The following CNN2 variants were observed in gnomAD, a reference collection of about 807,000 sequenced individuals.
CNN2 encodes the protein calponin 2.
In CNN2, 21 loss-of-function variants were observed where a neutral mutation model predicts 31.0. That is an observed-to-expected ratio of 0.68 (90% CI 0.48 to 0.98). The LOEUF (loss-of-function observed/expected upper bound fraction) is 0.98, where lower values mean the gene tolerates loss of function less well. Ranked by LOEUF, CNN2 falls within the 50% of genes least tolerant of loss-of-function variation. The probability of loss-of-function intolerance (pLI) is 0.00; values close to 1 mark genes in which losing one functional copy is unlikely to be tolerated. For synonymous variants in CNN2, 165 were observed against 179.6 expected (o/e 0.92, Z 0.65); for missense variants, 399 against 427.3 (o/e 0.93, Z 0.58).
chr19:1,037,813 TG>T lies in CNN2; in HGVS notation c.847del (p.Ala283LeufsTer57). The T allele has an allele frequency of 6.5e-7, 1 of 1,533,404 alleles. No homozygotes were observed. Among genetic ancestry groups the T allele is most frequent in the Non-Finnish European group, 8.7e-7 (1 of 1,143,530 alleles). 95.0% of individuals were successfully genotyped at this position (1,533,404 alleles called of 1,614,324 possible). ...ACTGCCCGCAAGGCACAGTGGCCGA[TG>T]GGGCTCCCTCGGGCACCGGCGACTG... Reference protein sequence around the residue: ...KYCPQGTVADGAPSGTGDCPD... With the variant: ...KYCPQGTVADXAPSGTGDCPD... On this transcript the variant is annotated frameshift_variant, in exon 7 of 7. Transcript: ENST00000263097. LOFTEE classifies it low-confidence loss of function (END_TRUNC).
At position 1,032,418 on chromosome 19, in the gene CNN2, C is replaced by T; in HGVS notation, c.212C>T (p.Ser71Phe). ...CTLMNKLQPG[S>F]VPKINRSMQN... ...CTCATGAACAAGCTACAGCCGGGCT[C>T]CGTCCCCAAGATCAACCGCTCCATG... The change falls in exon 3 of 7, where the codon TCC becomes TTC. Residue 71 changes from serine to phenylalanine, a missense_variant. Coordinates refer to ENST00000263097, the MANE Select transcript of CNN2 (RefSeq NM_004368.4). The T allele has an allele frequency of 6.2e-7, 1 of 1,613,636 alleles. No individual in the cohort carries two copies. The highest frequency in any genetic ancestry group is 8.5e-7 in the Non-Finnish European group (1 of 1,179,994).
chr19:1,036,011 C>G (rs2039575850), intron 4 of CNN2, 119 bp from the exon 5 acceptor site: 1 of 1,419,962 alleles, frequency 7.0e-7, no homozygotes. Flanking sequence ...CCTGTGGGGG[C>G]TCTGCGCGGC....
intron 4 of CNN2, 93 bp from the exon 5 acceptor site, chr19:1,036,037 G>GCC: frequency 1.4e-6 from 2 of 1,465,280 alleles, no homozygotes; most frequent in Non-Finnish European, 1.8e-6. Context: ...GAGGTGACAG[G>GCC]CCGCGGCCTG....
At chr19:1,026,798 G>T in intron 1 of CNN2, 74 bp downstream of exon 1, 1 of 1,425,980 alleles carries the variant, frequency 7.0e-7, no homozygotes, top group Non-Finnish European at 9.4e-7. Flanking sequence ...GAGCCCCCAG[G>T]CGCCCCCGGC....
At chr19:1,032,033 G>T (rs1056927074) in intron 2 of CNN2, among the ~76,000 whole-genome samples, 1 of 151,174 alleles carries the variant, frequency 6.6e-6, no homozygotes, top group East Asian at 2.0e-4. Flanking sequence ...ATCGAGACCA[G>T]CCTGGACAAC....
chr19:1,035,554 G>A (rs987438897), intron 4 of CNN2, among the ~76,000 whole-genome samples: 4 of 152,264 alleles, frequency 2.6e-5, no homozygotes, highest in South Asian at 2.1e-4. Flanking sequence ...CGAAAACCAC[G>A]TCCCCATCCC....
At chr19:1,032,777 ATTTCTG>A (rs1245493798) in intron 4 of CNN2, 81 bp downstream of exon 4, 11 of 1,157,038 alleles carry the variant, frequency 9.5e-6, no homozygotes, top group East Asian at 7.8e-5. Context: ...TCGTTTGCAA[ATTTCTG>A]TTTGTTTATT....
At chr19:1,032,146 A>G (rs1226672051) in intron 2 of CNN2, among the ~76,000 whole-genome samples, 1 of 151,660 alleles carries the variant, frequency 6.6e-6, no homozygotes, top group African/African-American at 2.4e-5. Flanking sequence ...GAGGCAGGAG[A>G]ATCACTTGAA....
Position 1,038,927 on chromosome 19 carries a change from C to G in CNN2, c.*1027C>G, listed in dbSNP as rs1241131532. The G allele has an allele frequency of 6.6e-6, 1 of 152,518 alleles. No individual in the cohort carries two copies. The allele number at this position is 152,518 out of a possible 1,614,324, so 9.4% of individuals were successfully genotyped here. ...CCTCCTCCCTTCTGGGCCCGACCAG[C>G]TTATACTGCTCCATCTTCCCCGGCC... On this transcript the variant is annotated 3_prime_UTR_variant, in exon 7 of 7. Transcript: ENST00000263097.
chr19:1,036,123 C>T lies in CNN2; in HGVS notation c.391-7C>T, dbSNP rs2039578794. 6.3e-7 allele frequency: 1 copy of T among 1,590,716 alleles called. No individual in the cohort carries two copies. Among genetic ancestry groups the T allele is most frequent in the Non-Finnish European group, 8.6e-7 (1 of 1,167,666 alleles). On this transcript the variant is annotated splice_region_variant and splice_polypyrimidine_tract_variant and intron_variant, in intron 4 of 6. Coordinates refer to ENST00000263097, the MANE Select transcript of CNN2 (RefSeq NM_004368.4). ...GCTGGTACTCCCGGCCCCTTTCCCT[C>T]ACCCAGGCCAAGACTAAGGGGCTGC... is the stretch of plus-strand genomic sequence containing the variant.
intron 1 of CNN2, chr19:1,027,089 T>TG (rs2039411197): frequency 4.9e-6 from 1 of 202,850 alleles, no homozygotes; most frequent in South Asian, 9.1e-5. Context: ...GACAACGCTC[T>TG]GGGGGTCTGG....
chr19:1,031,340 G>GGGAGGA lies in CNN2; in HGVS notation c.185+148_185+149insGGAGGA. On this transcript the variant is annotated intron_variant, in intron 2 of 6. Transcript: ENST00000263097. ...GCACTTTTGGAGGCCGAGGGTGGTG[G>GGGAGGA]CGGGGGGCGGTGGATCTCGAGGTCA... is the stretch of plus-strand genomic sequence containing the variant. The GGGAGGA allele has an allele frequency of 1.4e-5, 3 of 217,716 alleles. 1 individual carries two copies. The highest frequency in any genetic ancestry group is 1.2e-4 in the South Asian group (2 of 17,280). The allele number at this position is 217,716 out of a possible 1,614,324, so 13.5% of individuals were successfully genotyped here. A position where few individuals can be genotyped will look rare whatever the true frequency, so the allele number is the denominator to read the frequency against.
chr19:1,037,369 C>T, intron 6 of CNN2: 1 of 465,422 alleles, frequency 2.1e-6, no homozygotes, highest in Non-Finnish European at 3.9e-6. Flanking sequence ...AACTTCTGAC[C>T]TCAGGTGATC....
intron 2 of CNN2, 148 bp downstream of exon 2, chr19:1,031,340 G>GGGGGGT (rs373711392): frequency 3.7e-5 from 8 of 218,140 alleles, no homozygotes; most frequent in Non-Finnish European, 5.6e-5. Flanking sequence ...GAGGGTGGTG[G>GGGGGGT]CGGGGGGCGG....
At chr19:1,032,132 G>A (rs2039507568) in intron 2 of CNN2, among the ~76,000 whole-genome samples, 1 of 151,850 alleles carries the variant, frequency 6.6e-6, no homozygotes, top group African/African-American at 2.4e-5. Flanking sequence ...GGAGGCTCAG[G>A]GCTGAGGCAG....
At position 1,032,386 on chromosome 19, in the gene CNN2, C is replaced by T; in HGVS notation, c.186-6C>T. On this transcript the variant is annotated splice_region_variant and splice_polypyrimidine_tract_variant and intron_variant, in intron 2 of 6. Transcript: ENST00000263097. ...TGTTTCCCCCGCCCCATGTTGTGCC[C>T]TCCAGACTCATGAACAAGCTACAGC... 1 of 1,613,490 alleles carries T rather than the reference C, an allele frequency of 6.2e-7. No individual in the cohort carries two copies. Among genetic ancestry groups the T allele is most frequent in the Non-Finnish European group, 8.5e-7 (1 of 1,180,002 alleles).
chr19:1,027,958 G>A (rs941009772), intron 1 of CNN2, among the ~76,000 whole-genome samples: 1 of 152,332 alleles, frequency 6.6e-6, no homozygotes, highest in South Asian at 2.1e-4. Flanking sequence ...GGAGGCTGAG[G>A]CTTGGGGTGG....
Position 1,038,016 on chromosome 19 carries a change from G to T in CNN2, c.*116G>T. The T allele has an allele frequency of 9.3e-7, 1 of 1,080,614 alleles. No homozygotes were observed. The highest frequency in any genetic ancestry group is 1.3e-6 in the Non-Finnish European group (1 of 764,226). The allele number at this position is 1,080,614 out of a possible 1,614,324, so 66.9% of individuals were successfully genotyped here. On this transcript the variant is annotated 3_prime_UTR_variant, in exon 7 of 7. Coordinates refer to ENST00000263097, the MANE Select transcript of CNN2 (RefSeq NM_004368.4). ...CGTTCAGTGCTGCCAGTCAACCAAG[G>T]GTCTGTGAGTGTCAGCGTGGGATCA...
intron 4 of CNN2, 78 bp downstream of exon 4, chr19:1,032,774 C>T: frequency 8.5e-7 from 1 of 1,172,100 alleles, no homozygotes; most frequent in Non-Finnish European, 1.2e-6. Context: ...CACTCGTTTG[C>T]AAATTTCTGT....
Sources: allele counts gnomAD v4.1 joint callset (sites outside exome capture counted in the v4.1 genomes callset), GRCh38; gene constraint gnomAD v4.1.1; transcripts MANE v1.5; gene names NCBI Gene and HGNC (gene_info 2026-07-23, HGNC 2026-07-21).